The following SLC38A6 variants were observed in gnomAD, a reference collection of about 807,000 sequenced individuals.
SLC38A6 encodes solute carrier family 38 member 6, also known as N system amino acid transporter NAT-1.
A neutral mutation model predicts 65.0 loss-of-function variants in SLC38A6; 73 were observed. The observed-to-expected ratio is 1.12, with a 90% CI of 0.93 to 1.37. The LOEUF is 1.37. Ranked by LOEUF, SLC38A6 falls within the 40% of genes most tolerant of loss-of-function variation. The pLI, the probability that SLC38A6 is intolerant of heterozygous loss-of-function variation, is 0.00. For missense variants in SLC38A6, 561 were observed against 531.1 expected, an observed-to-expected ratio of 1.06 and a Z score of -0.55; for synonymous variants, 183 against 178.8, an observed-to-expected ratio of 1.02 and a Z score of -0.19.
chr14:60,982,433 A>G (rs764583833), intron 1 of SLC38A6, 75 bp from the exon 2 acceptor site: 105 of 1,557,414 alleles, frequency 6.7e-5, no homozygotes, highest in Non-Finnish European at 9.0e-5. Context: ...ATAATCTTTC[A>G]TTTATGGAAT....
chr14:61,015,746 A>G (rs2039964717), intron 3 of SLC38A6, among the ~76,000 whole-genome samples, 158 bp from the exon 4 acceptor site: 1 of 152,168 alleles, frequency 6.6e-6, no homozygotes, highest in Admixed American at 6.5e-5. Flanking sequence ...TTATTTGAGG[A>G]TGTTAGGGAG....
chr14:61,066,729 C>T (rs1344013162), intron 15 of SLC38A6, among the ~76,000 whole-genome samples: 4 of 152,104 alleles, frequency 2.6e-5, no homozygotes, highest in African/African-American at 7.2e-5. Flanking sequence ...TGTAAACATG[C>T]GCAGATTTTG....
At chr14:60,986,867 C>T (rs566224276) in intron 3 of SLC38A6, among the ~76,000 whole-genome samples, 16 of 152,138 alleles carry the variant, frequency 1.1e-4, no homozygotes, top group African/African-American at 3.1e-4. Context: ...TGTTTTATTT[C>T]GGTTATGTGG....
At position 61,037,160 on chromosome 14, in the gene SLC38A6, C is replaced by T; in HGVS notation, c.565+19C>T. On this transcript the variant is annotated intron_variant, in intron 7 of 15. Transcript: ENST00000267488. ...AAAATAGGTAAGTCTTTATAGAGCACATTATTTGTTTAGAAAAAGGAAAGA... is the reference window on the plus strand; with the variant it reads ...AAAATAGGTAAGTCTTTATAGAGCATATTATTTGTTTAGAAAAAGGAAAGA... The T allele has an allele frequency of 6.6e-7, 1 of 1,514,854 alleles. No individual in the cohort carries two copies. The highest frequency in any genetic ancestry group is 1.4e-5 in the African/African-American group (1 of 70,360). 93.8% of individuals were successfully genotyped at this position (1,514,854 alleles called of 1,614,324 possible).
Position 61,014,217 on chromosome 14 carries a change from C to T in SLC38A6, c.311-1687C>T, listed in dbSNP as rs183347280. On this transcript the variant is annotated intron_variant, in intron 3 of 15. Transcript: ENST00000267488. ...TGCATTCATCACGTAGTTCTCGTGC[C>T]GTGGTTTTCAGCTCCATCAGGTCCT... Among the ~76,000 whole-genome samples the T allele has an allele frequency of 7.9e-5, 12 of 152,202 alleles. No homozygotes were observed. In the East Asian group the frequency reaches 2.1e-3, roughly 27 times the overall value.
intron 13 of SLC38A6, among the ~76,000 whole-genome samples, chr14:61,051,125 C>T (rs950425931): frequency 2.6e-5 from 4 of 152,126 alleles, no homozygotes; most frequent in African/African-American, 7.2e-5. Flanking sequence ...CATCTGGTTG[C>T]TATACTTGAG....
At chr14:61,014,049 A>G (rs2039799509) in intron 3 of SLC38A6, among the ~76,000 whole-genome samples, 1 of 152,144 alleles carries the variant, frequency 6.6e-6, no homozygotes, top group Non-Finnish European at 1.5e-5. Flanking sequence ...GTCTTTTCAC[A>G]TAGTCCCATA....
intron 3 of SLC38A6, among the ~76,000 whole-genome samples, chr14:60,996,760 A>G (rs2038321347): frequency 6.6e-6 from 1 of 152,204 alleles, no homozygotes; most frequent in Admixed American, 6.5e-5. Flanking sequence ...CACAAAAAAA[A>G]TTCCTGCAAA....
chr14:61,000,524 G>C (rs568296179), intron 3 of SLC38A6, among the ~76,000 whole-genome samples: 2 of 152,116 alleles, frequency 1.3e-5, no homozygotes, highest in Non-Finnish European at 2.9e-5. Context: ...CCAGCTACTC[G>C]GGAGCCCGAG....
At chr14:60,989,965 A>C (rs78725724) in intron 3 of SLC38A6, among the ~76,000 whole-genome samples, 3,160 of 151,224 alleles carry the variant, frequency 0.021, 115 homozygotes, top group African/African-American at 0.073. Context: ...AATTCTCTTA[A>C]TCTCCCCATC....
intron 12 of SLC38A6, among the ~76,000 whole-genome samples, chr14:61,049,708 A>T (rs1279613229): frequency 6.6e-6 from 1 of 152,152 alleles, no homozygotes; most frequent in Non-Finnish European, 1.5e-5. Flanking sequence ...TTTCCCTCAA[A>T]GTATCCTTTC....
In SLC38A6 at chr14:61,002,617, G is replaced by A. The variant is rs7154280; in HGVS notation, c.311-13287G>A. 4.7e-3 allele frequency among the ~76,000 whole-genome samples: 723 copies of A among 152,250 alleles called. 4 individuals carry two copies. The highest frequency in any genetic ancestry group is 0.017 in the African/African-American group (692 of 41,558). ...TATTCCACTATTTCATGGGAAGCAG[G>A]TTTCTAAACGATTCCTGTGGAGGCC... On this transcript the variant is annotated intron_variant, in intron 3 of 15. Coordinates refer to ENST00000267488, the MANE Select transcript of SLC38A6 (RefSeq NM_153811.3).
chr14:61,064,639 G>A (rs916838255), intron 15 of SLC38A6, among the ~76,000 whole-genome samples: 1 of 149,558 alleles, frequency 6.7e-6, no homozygotes, highest in Non-Finnish European at 1.5e-5. Flanking sequence ...GCTGGTGAGA[G>A]CAGTGCCCCC....
intron 3 of SLC38A6, among the ~76,000 whole-genome samples, chr14:61,008,807 A>G (rs7158519): frequency 0.021 from 3,170 of 152,290 alleles, 117 homozygotes; most frequent in African/African-American, 0.073. Flanking sequence ...TCATCATTCT[A>G]GACACCTGGA....
intron 3 of SLC38A6, among the ~76,000 whole-genome samples, chr14:60,995,476 A>G (rs374349733): frequency 2.0e-5 from 3 of 152,204 alleles, no homozygotes; most frequent in Non-Finnish European, 4.4e-5. Context: ...ATGTTCATCA[A>G]AGGGTATAAA....
intron 2 of SLC38A6, among the ~76,000 whole-genome samples, chr14:60,984,278 A>G (rs981073517): frequency 6.6e-6 from 1 of 152,246 alleles, no homozygotes; most frequent in Non-Finnish European, 1.5e-5. Context: ...ACACCTTAAT[A>G]AGATGAAGGT....
chr14:61,036,582 A>G (rs1037792286), intron 6 of SLC38A6, among the ~76,000 whole-genome samples: 2 of 152,224 alleles, frequency 1.3e-5, no homozygotes, highest in African/African-American at 4.8e-5. Flanking sequence ...CACATTCTGC[A>G]CATGTTCTAC....
At chr14:61,028,711 C>T (rs1343104516) in intron 5 of SLC38A6, among the ~76,000 whole-genome samples, 3 of 151,964 alleles carry the variant, frequency 2.0e-5, no homozygotes, top group East Asian at 1.9e-4. Context: ...AAAAAGAAAT[C>T]GTTGTAAACT....
chr14:61,013,328 CTCTT>C (rs1335071644), intron 3 of SLC38A6, among the ~76,000 whole-genome samples: 1 of 152,132 alleles, frequency 6.6e-6, no homozygotes, highest in Non-Finnish European at 1.5e-5. Context: ...TGGGTCTTGA[CTCTT>C]TATCCAATTT....
Sources: allele counts gnomAD v4.1 joint callset (sites outside exome capture counted in the v4.1 genomes callset), GRCh38; gene constraint gnomAD v4.1.1; transcripts MANE v1.5; gene names NCBI Gene and HGNC (gene_info 2026-07-23, HGNC 2026-07-21).